Variants in TINAG observed in about 807,000 individuals in gnomAD.
TINAG encodes the protein tubulointerstitial nephritis antigen.
Under a neutral mutation model 72.7 loss-of-function variants are expected in TINAG, and 83 were observed. The ratio of observed to expected loss-of-function variants is 1.14; its 90% CI spans 0.96 to 1.37. The LOEUF (loss-of-function observed/expected upper bound fraction) is 1.37, where lower values mean the gene tolerates loss of function less well. Ranked by LOEUF, TINAG falls within the 40% of genes most tolerant of loss-of-function variation. The pLI, the probability that TINAG is intolerant of heterozygous loss-of-function variation, is 0.00. For missense variants in TINAG, 685 were observed against 576.6 expected, an observed-to-expected ratio of 1.19 and a Z score of -1.93; for synonymous variants, 234 against 189.9, an observed-to-expected ratio of 1.23 and a Z score of -1.91.
intron 9 of TINAG, among the ~76,000 whole-genome samples, chr6:54,372,974 A>G (rs560819960): frequency 6.6e-6 from 1 of 152,128 alleles, no homozygotes; most frequent in African/African-American, 2.4e-5. Flanking sequence ...AGAAAAAACA[A>G]ATTTTGCACA....
At chr6:54,387,877 A>G (rs1764140449) in intron 10 of TINAG, among the ~76,000 whole-genome samples, 1 of 152,116 alleles carries the variant, frequency 6.6e-6, no homozygotes, top group African/African-American at 2.4e-5. Context: ...TAAGATTAAT[A>G]AACAAAATAC....
In TINAG at chr6:54,354,485, C is replaced by G. The variant is rs372102416; in HGVS notation, c.1127-28C>G. ...TTAAAGATGATATTTTAATACTGTG[C>G]CATTTGTTCTGTTGGATTTTATTTT... On this transcript the variant is annotated intron_variant, in intron 8 of 10. Coordinates refer to ENST00000259782, the MANE Select transcript of TINAG (RefSeq NM_014464.4). 8.9e-6 allele frequency: 14 copies of G among 1,579,948 alleles called. No homozygotes were observed. In the African/African-American group the frequency reaches 1.8e-4, roughly 20 times the overall value.
chr6:54,375,250 C>T (rs10081019), intron 9 of TINAG, among the ~76,000 whole-genome samples: 101,726 of 151,962 alleles, frequency 0.67, 34,847 homozygotes, highest in Non-Finnish European at 0.74. Flanking sequence ...AGAAAGATTG[C>T]TTCAGAATTT....
intron 10 of TINAG, among the ~76,000 whole-genome samples, chr6:54,385,444 AG>A (rs1764071063): frequency 1.3e-5 from 2 of 151,580 alleles, no homozygotes; most frequent in African/African-American, 4.8e-5. Context: ...AAACCTACAC[AG>A]GATGAAAATA....
chr6:54,328,431 A>T (rs1960583), intron 4 of TINAG, among the ~76,000 whole-genome samples: 18,698 of 152,034 alleles, frequency 0.12, 2,242 homozygotes, highest in East Asian at 0.44. Context: ...ATCAACATCA[A>T]AAAAAGGACA....
intron 1 of TINAG, 145 bp downstream of exon 1, chr6:54,309,050 A>G: frequency 2.3e-6 from 2 of 885,052 alleles, no homozygotes; most frequent in South Asian, 3.6e-5. Context: ...ATTTCTTTGG[A>G]TTGTTAAAGT....
intron 10 of TINAG, among the ~76,000 whole-genome samples, chr6:54,388,388 A>T (rs1764158985): frequency 6.6e-6 from 1 of 152,172 alleles, no homozygotes; most frequent in South Asian, 2.1e-4. Flanking sequence ...GGGTTGATTA[A>T]GGAGGCAAAC....
chr6:54,383,522 T>G (rs1764010928), intron 10 of TINAG, among the ~76,000 whole-genome samples: 1 of 151,926 alleles, frequency 6.6e-6, no homozygotes. Context: ...GGAGAAAAAT[T>G]TTTGGCCTAG....
chr6:54,338,272 A>G (rs142207298), intron 4 of TINAG, among the ~76,000 whole-genome samples: 1,621 of 152,330 alleles, frequency 0.011, 25 homozygotes, highest in African/African-American at 0.037. Flanking sequence ...ATCTTCAAAA[A>G]TAAATGTAAA....
intron 6 of TINAG, among the ~76,000 whole-genome samples, chr6:54,349,391 AG>A (rs1274674980): frequency 6.6e-6 from 1 of 152,026 alleles, no homozygotes; most frequent in African/African-American, 2.4e-5. Flanking sequence ...AACAGGTTGA[AG>A]GGGTCCTTCC....
intron 6 of TINAG, among the ~76,000 whole-genome samples, chr6:54,349,477 T>A (rs886074451): frequency 2.6e-5 from 4 of 151,952 alleles, no homozygotes; most frequent in Non-Finnish European, 4.4e-5. Flanking sequence ...ACAGATAGAA[T>A]TATTTATAAA....
rs905324035 is a variant in TINAG, at chr6:54,351,495, T to A, written c.1126+98T>A. 4.2e-6 allele frequency: 5 copies of A among 1,187,682 alleles called. No individual in the cohort carries two copies. In the South Asian group the frequency reaches 4.4e-5, roughly 10 times the overall value. 73.6% of individuals were successfully genotyped at this position (1,187,682 alleles called of 1,614,324 possible). ...TAGGAGTTTAATAAAATAAAGAAAATTTTTACTTTAAGAGTATCCAAAAGG... is the reference window on the plus strand; with the variant it reads ...TAGGAGTTTAATAAAATAAAGAAAAATTTTACTTTAAGAGTATCCAAAAGG... On this transcript the variant is annotated intron_variant, in intron 8 of 10. Transcript: ENST00000259782.
rs576625550 is a variant in TINAG, at chr6:54,339,788, T to G, written c.625-3438T>G. ...TAGTTCCAAAATTTCTTGGTATTCA[T>G]GGCCACTGACCTTAGATTGTAAAGG... On this transcript the variant is annotated intron_variant, in intron 4 of 10. Coordinates refer to ENST00000259782, the MANE Select transcript of TINAG (RefSeq NM_014464.4). Among the ~76,000 whole-genome samples the G allele has an allele frequency of 1.6e-3, 244 of 152,338 alleles. 1 individual carries two copies. Among genetic ancestry groups the G allele is most frequent in the African/African-American group, 5.5e-3 (228 of 41,580 alleles).
chr6:54,363,588 G>GT (rs1763309641), intron 9 of TINAG, among the ~76,000 whole-genome samples: 1 of 143,508 alleles, frequency 7.0e-6, no homozygotes, highest in Admixed American at 7.0e-5. Flanking sequence ...GTTTAGAGAT[G>GT]TTTTTGAGAC....
intron 9 of TINAG, among the ~76,000 whole-genome samples, chr6:54,355,990 T>A (rs1179622301): frequency 6.6e-6 from 1 of 151,858 alleles, no homozygotes; most frequent in Non-Finnish European, 1.5e-5. Flanking sequence ...AAAATGCCAG[T>A]TTCTCAACAT....
chr6:54,386,542 G>A (rs1764104169), intron 10 of TINAG, among the ~76,000 whole-genome samples: 1 of 152,070 alleles, frequency 6.6e-6, no homozygotes, highest in Admixed American at 6.6e-5. Flanking sequence ...TTCCTTCCAT[G>A]TGGCTCCCTC....
At chr6:54,336,937 T>A (rs1784878770) in intron 4 of TINAG, among the ~76,000 whole-genome samples, 1 of 152,094 alleles carries the variant, frequency 6.6e-6, no homozygotes, top group Non-Finnish European at 1.5e-5. Context: ...ATTAAGGTAT[T>A]GGCATTAACT....
At position 54,389,866 on chromosome 6, in the gene TINAG, G is replaced by A. The variant is rs762337502; in HGVS notation, c.1372G>A (p.Asp458Asn). The change falls in exon 11 of 11, where the codon GAC becomes AAC. Residue 458 changes from aspartate to asparagine, a missense_variant. Transcript: ENST00000259782. The part of the protein sequence containing the change: ...FRILRGVNES[D>N]IEKLIIAAWG... Reference sequence around the variant, plus strand: ...GATTCTTCGAGGAGTAAATGAGTCCGACATTGAAAAGTTGATTATCGCAGC... The same window carrying A: ...GATTCTTCGAGGAGTAAATGAGTCCAACATTGAAAAGTTGATTATCGCAGC... The A allele has an allele frequency of 4.8e-5, 78 of 1,610,472 alleles. No individual in the cohort carries two copies. The highest frequency in any genetic ancestry group is 6.2e-5 in the Non-Finnish European group (73 of 1,178,536).
intron 9 of TINAG, among the ~76,000 whole-genome samples, chr6:54,376,770 A>AG (rs1763795287): frequency 2.0e-5 from 3 of 152,162 alleles, no homozygotes; most frequent in African/African-American, 7.2e-5. Context: ...CAGGAACTTT[A>AG]TGGTCTTTCC....
Sources: allele counts gnomAD v4.1 joint callset (sites outside exome capture counted in the v4.1 genomes callset), GRCh38; gene constraint gnomAD v4.1.1; transcripts MANE v1.5; gene names NCBI Gene and HGNC (gene_info 2026-07-23, HGNC 2026-07-21).